Variants in PFDN4 observed in about 807,000 individuals in gnomAD.
PFDN4 encodes prefoldin subunit 4.
PFDN4 carries 6 observed loss-of-function variants against 17.6 expected under a neutral mutation model. The observed-to-expected ratio is 0.34, with a 90% CI of 0.19 to 0.67. PFDN4 has a LOEUF of 0.67. PFDN4 is among the 30% of genes least tolerant of loss of function. The pLI is 0.68. For missense variants in PFDN4, 119 were observed against 158.4 expected, an observed-to-expected ratio of 0.75 and a Z score of 1.33; for synonymous variants, 48 against 51.1, an observed-to-expected ratio of 0.94 and a Z score of 0.26.
chr20:54,216,396 A>G (rs947057347), intron 3 of PFDN4, among the ~76,000 whole-genome samples: 2 of 152,332 alleles, frequency 1.3e-5, no homozygotes, highest in East Asian at 1.9e-4. Context: ...CTTCGTATGA[A>G]TGAAACCCAC....
chr20:54,213,185 T>A (rs995736085), intron 1 of PFDN4, among the ~76,000 whole-genome samples: 1 of 152,242 alleles, frequency 6.6e-6, no homozygotes, highest in Non-Finnish European at 1.5e-5. Context: ...CCAAAAGTAG[T>A]GTTTCAGTAT....
At chr20:54,214,530 A>G in intron 2 of PFDN4, 72 bp downstream of exon 2, 1 of 669,830 alleles carries the variant, frequency 1.5e-6, no homozygotes, top group South Asian at 1.9e-5. Context: ...TCAGTTAACA[A>G]GTGAATATAT....
chr20:54,217,937 G>A (rs1388991350), intron 3 of PFDN4, among the ~76,000 whole-genome samples: 2 of 152,152 alleles, frequency 1.3e-5, no homozygotes, highest in Admixed American at 6.5e-5. Flanking sequence ...CAGGTGGGCT[G>A]AGGTAGGGCC....
chr20:54,212,342 T>G (rs1238440182), intron 1 of PFDN4, among the ~76,000 whole-genome samples: 1 of 152,192 alleles, frequency 6.6e-6, no homozygotes, highest in Non-Finnish European at 1.5e-5. Context: ...GGCACTCCAC[T>G]GGGCGGCATG....
chr20:54,216,724 T>A (rs1308399301), intron 3 of PFDN4, among the ~76,000 whole-genome samples: 1 of 152,140 alleles, frequency 6.6e-6, no homozygotes, highest in Non-Finnish European at 1.5e-5. Flanking sequence ...TGGCGCAATC[T>A]CGGCTCACTG....
chr20:54,216,320 T>C (rs2092762356), intron 3 of PFDN4, among the ~76,000 whole-genome samples: 1 of 152,252 alleles, frequency 6.6e-6, no homozygotes, highest in Non-Finnish European at 1.5e-5. Context: ...CCTTTCCTAA[T>C]GCTTTTGCTA....
chr20:54,218,204 T>C (rs139357729), intron 3 of PFDN4, among the ~76,000 whole-genome samples: 1 of 147,988 alleles, frequency 6.8e-6, no homozygotes, highest in Admixed American at 6.8e-5. Flanking sequence ...AAACAAAGAG[T>C]ATATGTTAAA....
chr20:54,211,962 G>C (rs60430064), intron 1 of PFDN4, among the ~76,000 whole-genome samples: 1 of 152,148 alleles, frequency 6.6e-6, no homozygotes, highest in Non-Finnish European at 1.5e-5. Flanking sequence ...GGAGGCCGAG[G>C]CTGGTGGATC....
In PFDN4 at chr20:54,216,813, C is replaced by A. The variant is rs1056972802; in HGVS notation, c.273+1373C>A. 9.9e-5 allele frequency among the ~76,000 whole-genome samples: 15 copies of A among 152,196 alleles called. No individual in the cohort carries two copies. The East Asian group carries it at 2.7e-3, about 27-fold the overall frequency. On this transcript the variant is annotated intron_variant, in intron 3 of 3. Transcript: ENST00000371419. ...CTGGGATTACAGGCGCCCACCACCACGCCCAGCTAATTTTTGTACTTTTGG... is the reference window on the plus strand; with the variant it reads ...CTGGGATTACAGGCGCCCACCACCAAGCCCAGCTAATTTTTGTACTTTTGG...
chr20:54,215,569 C>T, intron 3 of PFDN4, 129 bp downstream of exon 3: 1 of 581,890 alleles, frequency 1.7e-6, no homozygotes, highest in Non-Finnish European at 2.9e-6. Flanking sequence ...CAGGCATGCT[C>T]CGAATGCTTT....
intron 3 of PFDN4, among the ~76,000 whole-genome samples, chr20:54,217,953 A>T (rs1166337726): frequency 6.6e-6 from 1 of 152,160 alleles, no homozygotes; most frequent in African/African-American, 2.4e-5. Context: ...GGGCCCCAGA[A>T]TGTGTATTTC....
Position 54,219,677 on chromosome 20 carries a change from C to T in PFDN4, c.*527C>T. On this transcript the variant is annotated 3_prime_UTR_variant, in exon 4 of 4. Transcript: ENST00000371419. Reference sequence around the variant, plus strand: ...TACATATTTAACATTTTTTACATATCTATCAATATCAGAGATTTGGGTAAA... The same window carrying T: ...TACATATTTAACATTTTTTACATATTTATCAATATCAGAGATTTGGGTAAA... The T allele has an allele frequency of 2.5e-6, 1 of 397,890 alleles. No homozygotes were observed. Among genetic ancestry groups the T allele is most frequent in the Non-Finnish European group, 4.4e-6 (1 of 225,828 alleles). 24.6% of individuals were successfully genotyped at this position (397,890 alleles called of 1,614,324 possible). A position where few individuals can be genotyped will look rare whatever the true frequency, so the allele number is the denominator to read the frequency against.
chr20:54,208,237 A>C, intron 1 of PFDN4, 113 bp downstream of exon 1: 1 of 909,326 alleles, frequency 1.1e-6, no homozygotes, highest in Non-Finnish European at 1.5e-6. Flanking sequence ...GTGGGACCCG[A>C]GGCCGAGGCC....
rs1055304917 is a variant in PFDN4 at position 54,219,509 on chromosome 20, G to A, written c.*359G>A. ...ATGTTGTTTCTGTCTGATTTTAATT[G>A]CTGTCTAATGACGGGGAAAGCACGA... On this transcript the variant is annotated 3_prime_UTR_variant, in exon 4 of 4. Coordinates refer to ENST00000371419, the MANE Select transcript of PFDN4 (RefSeq NM_002623.4). The A allele has an allele frequency of 2.6e-6, 1 of 387,770 alleles. No homozygotes were observed. The allele number at this position is 387,770 out of a possible 1,614,324, so 24.0% of individuals were successfully genotyped here.
chr20:54,212,034 A>G (rs746698753), intron 1 of PFDN4, among the ~76,000 whole-genome samples: 19 of 152,020 alleles, frequency 1.2e-4, no homozygotes, highest in Non-Finnish European at 5.9e-5. Flanking sequence ...CTCTACTAAA[A>G]ATACGAAAAT....
At position 54,219,514 on chromosome 20, in the gene PFDN4, C is replaced by A; in HGVS notation, c.*364C>A. ...GTTTCTGTCTGATTTTAATTGCTGT[C>A]TAATGACGGGGAAAGCACGATGAAA... On this transcript the variant is annotated 3_prime_UTR_variant, in exon 4 of 4. Coordinates refer to ENST00000371419, the MANE Select transcript of PFDN4 (RefSeq NM_002623.4). The A allele has an allele frequency of 2.6e-6, 1 of 389,432 alleles. No homozygotes were observed. The highest frequency in any genetic ancestry group is 1.3e-4 in the South Asian group (1 of 7,818). The allele number at this position is 389,432 out of a possible 1,614,324, so 24.1% of individuals were successfully genotyped here.
intron 3 of PFDN4, among the ~76,000 whole-genome samples, chr20:54,218,087 G>T (rs2092764995): frequency 6.6e-6 from 1 of 151,612 alleles, no homozygotes; most frequent in South Asian, 2.1e-4. Context: ...TCTAATGTTA[G>T]TGGGTATTTG....
chr20:54,217,538 A>G (rs2092764224), intron 3 of PFDN4, among the ~76,000 whole-genome samples: 1 of 152,208 alleles, frequency 6.6e-6, no homozygotes. Flanking sequence ...AGCCTCTGCC[A>G]TAATTACTAT....
chr20:54,209,675 T>C (rs1035446311), intron 1 of PFDN4, among the ~76,000 whole-genome samples: 10 of 152,214 alleles, frequency 6.6e-5, no homozygotes, highest in African/African-American at 2.2e-4. Flanking sequence ...GAAACTGAAG[T>C]GCAGAGAGGT....
Sources: allele counts gnomAD v4.1 joint callset (sites outside exome capture counted in the v4.1 genomes callset), GRCh38; gene constraint gnomAD v4.1.1; transcripts MANE v1.5; gene names NCBI Gene and HGNC (gene_info 2026-07-23, HGNC 2026-07-21).